Variants in WWP1 observed in about 807,000 individuals in gnomAD.
WWP1 encodes WW domain containing E3 ubiquitin protein ligase 1.
In WWP1, 49 loss-of-function variants were observed where a neutral mutation model predicts 130.6. The observed-to-expected ratio is 0.38, with a 90% CI of 0.30 to 0.48. The LOEUF (loss-of-function observed/expected upper bound fraction) is 0.48, where lower values mean the gene tolerates loss of function less well. Ranked by LOEUF, WWP1 falls within the 20% of genes least tolerant of loss-of-function variation. WWP1 has a pLI of 0.99. For synonymous variants in WWP1, 332 were observed against 367.8 expected (o/e 0.90, Z 1.11); for missense variants, 809 against 1,100.6 (o/e 0.74, Z 3.75).
At chr8:86,430,246 T>G (rs10101658) in intron 11 of WWP1, among the ~76,000 whole-genome samples, 19,743 of 152,042 alleles carry the variant, frequency 0.13, 3,398 homozygotes, top group African/African-American at 0.4. Flanking sequence ...TATATTTCCT[T>G]ATAATGTGGA....
At chr8:86,384,565 A>G (rs1825173421) in intron 5 of WWP1, among the ~76,000 whole-genome samples, 1 of 152,242 alleles carries the variant, frequency 6.6e-6, no homozygotes, top group Admixed American at 6.5e-5. Context: ...GAAGCAATTT[A>G]AAAATACTTT....
In WWP1 at chr8:86,431,242, ATATAT is replaced by A. The variant is rs1278135433; in HGVS notation, c.1388-157_1388-153del. Among the ~76,000 whole-genome samples the A allele has an allele frequency of 1.6e-3, 227 of 142,740 alleles. 2 individuals are homozygous for A. Among genetic ancestry groups the A allele is most frequent in the East Asian group, 4.4e-3 (22 of 4,994 alleles). 93.6% of individuals were successfully genotyped at this position (142,740 alleles called of 152,430 possible). ...TAATATATGTTATATTCTCTATAAT[ATATAT>A]TATATTCTATATAATATATTCTATA... On this transcript the variant is annotated intron_variant, in intron 12 of 24. Transcript: ENST00000517970.
intron 1 of WWP1, among the ~76,000 whole-genome samples, chr8:86,348,133 GATGGTTTTTAAGTTATAAGGAAGACTAGC>G (rs1209807223): frequency 6.6e-6 from 1 of 152,174 alleles, no homozygotes; most frequent in Non-Finnish European, 1.5e-5. Context: ...CCATACGTCA[GATGGTTTTTAAGTTATAAGGAAGACTAGC>G]ATGGTTTTTA....
chr8:86,405,242 G>C (rs1055834901), intron 8 of WWP1: 2 of 151,854 alleles, frequency 1.3e-5, no homozygotes. Flanking sequence ...ATAGGGGTGT[G>C]CATATTCTAT....
intron 14 of WWP1, among the ~76,000 whole-genome samples, chr8:86,434,255 C>T (rs925135581): frequency 7.2e-5 from 11 of 152,232 alleles, no homozygotes; most frequent in Non-Finnish European, 1.3e-4. Context: ...AAAAAGCACA[C>T]TTTACAACAG....
rs146247738 is a variant in WWP1 at position 86,371,187 on chromosome 8, G to A, written c.-22+2156G>A. 2.3e-3 allele frequency among the ~76,000 whole-genome samples: 348 copies of A among 151,702 alleles called. 4 individuals carry two copies. The highest frequency in any genetic ancestry group is 7.7e-3 in the African/African-American group (319 of 41,332). The stretch of plus-strand genomic sequence containing the variant: ...ACTGGAATTACAGGCATGAGCCACC[G>A]CCCCTACCTGTAGTTCATTCGTTCT... On this transcript the variant is annotated intron_variant, in intron 2 of 24. Coordinates refer to ENST00000517970, the MANE Select transcript of WWP1 (RefSeq NM_007013.4).
chr8:86,425,617 A>G (rs1809578884), intron 10 of WWP1, among the ~76,000 whole-genome samples: 2 of 152,150 alleles, frequency 1.3e-5, no homozygotes, highest in African/African-American at 2.4e-5. Context: ...GTTTATATGT[A>G]TGGTTCTCCA....
intron 9 of WWP1, among the ~76,000 whole-genome samples, chr8:86,423,909 C>T (rs1452247789): frequency 8.0e-6 from 1 of 125,704 alleles, no homozygotes; most frequent in Non-Finnish European, 1.7e-5. Context: ...CTGCCCCCCA[C>T]CTCCCTCCCA....
At chr8:86,400,936 T>C (rs368955294) in intron 7 of WWP1, among the ~76,000 whole-genome samples, 1 of 152,044 alleles carries the variant, frequency 6.6e-6, no homozygotes, top group Non-Finnish European at 1.5e-5. Context: ...AGAGCAGTTA[T>C]GGGATGACCT....
At chr8:86,441,943 C>T (rs143995711) in intron 17 of WWP1, among the ~76,000 whole-genome samples, 2 of 152,170 alleles carry the variant, frequency 1.3e-5, no homozygotes, top group East Asian at 3.9e-4. Flanking sequence ...TTGGATTTCG[C>T]ATATTGGACT....
At chr8:86,368,373 C>A (rs1357414681) in intron 1 of WWP1, among the ~76,000 whole-genome samples, 1 of 152,130 alleles carries the variant, frequency 6.6e-6, no homozygotes, top group East Asian at 1.9e-4. Flanking sequence ...TCCACTCAGA[C>A]AATGAAGTGG....
At chr8:86,456,901 A>G (rs927643986) in intron 21 of WWP1, among the ~76,000 whole-genome samples, 1 of 151,986 alleles carries the variant, frequency 6.6e-6, no homozygotes, top group South Asian at 2.1e-4. Context: ...ATGCATATAT[A>G]TGACATTCTT....
intron 8 of WWP1, among the ~76,000 whole-genome samples, chr8:86,411,074 C>T (rs1428329450): frequency 6.6e-6 from 1 of 152,154 alleles, no homozygotes; most frequent in African/African-American, 2.4e-5. Flanking sequence ...GTTCTTGCAA[C>T]CCCTATAGTA....
Position 86,380,875 on chromosome 8 carries a change from T to G in WWP1, c.209+11T>G. ...TGAACAGCTAACTGTGTAAGTACCT[T>G]GTGTAAAGGACGGAAAATCTTCACA... On this transcript the variant is annotated intron_variant, in intron 4 of 24. Coordinates refer to ENST00000517970, the MANE Select transcript of WWP1 (RefSeq NM_007013.4). 6.4e-7 allele frequency: 1 copy of G among 1,573,248 alleles called. No individual in the cohort carries two copies. Among genetic ancestry groups the G allele is most frequent in the Admixed American group, 1.9e-5 (1 of 52,052 alleles).
intron 17 of WWP1, among the ~76,000 whole-genome samples, chr8:86,439,342 C>CAAAAAAA (rs59635746): frequency 1.2e-4 from 15 of 127,068 alleles, no homozygotes; most frequent in Admixed American, 1.8e-4. Flanking sequence ...GACGCTGTGT[C>CAAAAAAA]AAAAAAAAAA....
rs61141803 is a variant in WWP1 at position 86,451,214 on chromosome 8, TAAAAAAAAAAAAAAAAA to T, written c.2274-1322_2274-1306del. 2.7e-3 allele frequency among the ~76,000 whole-genome samples: 120 copies of T among 43,678 alleles called. 1 individual carries two copies. In the East Asian group the frequency reaches 0.034, roughly 12 times the overall value. The allele number at this position is 43,678 out of a possible 152,430, so 28.7% of individuals were successfully genotyped here. The stretch of plus-strand genomic sequence containing the variant: ...GCAACCGAGTGAGACCCTATGTTAT[TAAAAAAAAAAAAAAAAA>T]AAAAAAAAAAAAAAAAAAAAAAGAT... On this transcript the variant is annotated intron_variant, in intron 20 of 24. Transcript: ENST00000517970.
intron 23 of WWP1, 128 bp from the exon 24 acceptor site, chr8:86,461,646 C>T: frequency 2.6e-6 from 2 of 768,594 alleles, no homozygotes; most frequent in Admixed American, 5.1e-5. Context: ...GCAGAAGCAG[C>T]TTACATTGTG....
At chr8:86,382,783 C>T (rs373927088) in intron 5 of WWP1, among the ~76,000 whole-genome samples, 4 of 152,172 alleles carry the variant, frequency 2.6e-5, no homozygotes, top group African/African-American at 7.2e-5. Flanking sequence ...TTTAGTTTCC[C>T]GTTGTCTGAC....
intron 17 of WWP1, chr8:86,440,493 G>T (rs1810533232): frequency 8.3e-6 from 2 of 239,788 alleles, no homozygotes; most frequent in Non-Finnish European, 1.7e-5. Context: ...CTGTTTTCTA[G>T]CATTGAATGT....
Sources: gnomAD v4.1 joint callset for allele counts (sites outside exome capture counted in the v4.1 genomes callset) on GRCh38, gnomAD v4.1.1 for gene constraint, MANE v1.5 for transcripts, NCBI Gene and HGNC (gene_info 2026-07-23, HGNC 2026-07-21) for gene names.